Variants in USP28 observed in about 807,000 individuals in gnomAD.
USP28 encodes the protein ubiquitin carboxyl-terminal hydrolase 28.
USP28 carries 113 observed loss-of-function variants against 145.0 expected under a neutral mutation model. That is an observed-to-expected ratio of 0.78 (90% CI 0.67 to 0.91). USP28 has a LOEUF of 0.91. Ranked by LOEUF, USP28 falls within the 40% of genes least tolerant of loss-of-function variation. USP28 has a pLI of 0.00. For synonymous variants in USP28, 447 were observed against 450.9 expected, an observed-to-expected ratio of 0.99 and a Z score of 0.11; for missense variants, 1,201 against 1,289.6, an observed-to-expected ratio of 0.93 and a Z score of 1.05.
intron 1 of USP28, among the ~76,000 whole-genome samples, chr11:113,860,284 C>T (rs1282892675): frequency 6.6e-6 from 1 of 152,060 alleles, no homozygotes; most frequent in East Asian, 1.9e-4. Context: ...TATCAATTGT[C>T]TAGTCTTACA....
intron 5 of USP28, among the ~76,000 whole-genome samples, chr11:113,839,122 T>C (rs947823501): frequency 1.9e-4 from 29 of 152,234 alleles, no homozygotes; most frequent in Admixed American, 1.8e-3. Flanking sequence ...GAAGTACAGA[T>C]TCATATAATT....
At chr11:113,847,181 T>C (rs1323798636) in intron 3 of USP28, among the ~76,000 whole-genome samples, 1 of 151,884 alleles carries the variant, frequency 6.6e-6, no homozygotes, top group Non-Finnish European at 1.5e-5. Context: ...AACCTGACAA[T>C]ACCTAAAAAC....
At chr11:113,799,604 C>G (rs936736287) in intron 24 of USP28, among the ~76,000 whole-genome samples, 189 bp from the exon 26 acceptor site, 9 of 152,170 alleles carry the variant, frequency 5.9e-5, no homozygotes, top group African/African-American at 2.2e-4. Flanking sequence ...TAGCTCACTG[C>G]TATATAACAA....
At chr11:113,808,747 A>G (rs967805718) in intron 17 of USP28, among the ~76,000 whole-genome samples, 1 of 152,236 alleles carries the variant, frequency 6.6e-6, no homozygotes, top group East Asian at 1.9e-4. Flanking sequence ...TAGGAAGATC[A>G]CCTTTGGAGA....
chr11:113,827,471 T>C (rs1943510834), intron 10 of USP28, 111 bp from the exon 11 acceptor site: 5 of 1,163,446 alleles, frequency 4.3e-6, no homozygotes, highest in Non-Finnish European at 5.8e-6. Context: ...ATAGAACTTA[T>C]ACTCAAGGCA....
chr11:113,814,665 A>T (rs1464081942), intron 14 of USP28, among the ~76,000 whole-genome samples: 1 of 151,034 alleles, frequency 6.6e-6, no homozygotes, highest in East Asian at 1.9e-4. Flanking sequence ...TTTGAGGGGG[A>T]GATCTTTCCA....
intron 7 of USP28, among the ~76,000 whole-genome samples, chr11:113,832,623 G>A (rs1441802671): frequency 6.6e-6 from 1 of 151,992 alleles, no homozygotes; most frequent in Non-Finnish European, 1.5e-5. Context: ...AAGGCCCAAG[G>A]AACTCTAGAA....
rs755492841 is a variant in USP28 at position 113,840,685 on chromosome 11, G to C, written c.447C>G (p.Pro149=). ...CAACTCTCCTCCAGTCATTGGGATT[G>C]GGGTTTTCTCCCCAGACTTCACAGC... The change falls in exon 5 of 25, where the codon CCC becomes CCG. Residue 149 remains proline, a synonymous_variant. Coordinates refer to ENST00000003302, the Ensembl canonical transcript of USP28. 10 of 1,614,188 alleles carry C rather than the reference G, an allele frequency of 6.2e-6. 1 individual carries two copies. The highest frequency in any genetic ancestry group is 3.3e-4 in the Middle Eastern group (2 of 6,062).
intron 12 of USP28, among the ~76,000 whole-genome samples, chr11:113,819,274 A>T (rs529874506): frequency 6.6e-6 from 1 of 151,652 alleles, no homozygotes; most frequent in Non-Finnish European, 1.5e-5. Context: ...TGCCACGCCC[A>T]GCTAATTTTT....
chr11:113,874,619 G>C, intron 1 of USP28: 12 of 1,288,498 alleles, frequency 9.3e-6, no homozygotes, highest in South Asian at 2.5e-5. Flanking sequence ...TCTTGAAAAA[G>C]TGCAGTACTT....
chr11:113,855,183 A>C (rs1249077230), intron 1 of USP28, among the ~76,000 whole-genome samples: 1 of 152,230 alleles, frequency 6.6e-6, no homozygotes, highest in Non-Finnish European at 1.5e-5. Context: ...AAAGTATGAA[A>C]TGTTTTCTCT....
In USP28 at chr11:113,854,344, G is replaced by A. The variant is rs1348117709; in HGVS notation, c.58-9C>T. ...AACAGCATTTGGCAGCTCTATATTTGCAAAACAAAAAAACCACAAACATGT... is the reference window on the plus strand; with the variant it reads ...AACAGCATTTGGCAGCTCTATATTTACAAAACAAAAAAACCACAAACATGT... On this transcript the variant is annotated splice_polypyrimidine_tract_variant and intron_variant, in intron 1 of 24. Transcript: ENST00000003302. 6.2e-7 allele frequency: 1 copy of A among 1,610,314 alleles called. No individual in the cohort carries two copies. Among genetic ancestry groups the A allele is most frequent in the South Asian group, 1.1e-5 (1 of 90,692 alleles).
chr11:113,799,312 G>A, exon 25 of USP28: 2 of 1,614,200 alleles, frequency 1.2e-6, no homozygotes, highest in Non-Finnish European at 1.7e-6. Flanking sequence ...ATAGGTCATA[G>A]GGAGAATTGG....
At chr11:113,845,440 A>AT (rs1945719451) in intron 3 of USP28, among the ~76,000 whole-genome samples, 1 of 151,164 alleles carries the variant, frequency 6.6e-6, no homozygotes, top group Non-Finnish European at 1.5e-5. Context: ...TGTCTCAAAA[A>AT]AAAAAATTAA....
At chr11:113,819,101 T>C (rs1942202868) in intron 12 of USP28, among the ~76,000 whole-genome samples, 1 of 151,610 alleles carries the variant, frequency 6.6e-6, no homozygotes. Flanking sequence ...GAAGAAATAG[T>C]GAGCATTTTT....
At chr11:113,804,913 G>A in exon 20 of USP28, 1 of 1,614,188 alleles carries the variant, frequency 6.2e-7, no homozygotes, top group Non-Finnish European at 8.5e-7. Flanking sequence ...TTCCAGAAGG[G>A]TTCGTTCTAC....
At position 113,800,898 on chromosome 11, in the gene USP28, A is replaced by G. The variant is rs557635549; in HGVS notation, c.3058+585T>C. Among the ~76,000 whole-genome samples the G allele has an allele frequency of 5.5e-5, 8 of 144,504 alleles. No individual in the cohort carries two copies. The Admixed American group carries it at 5.8e-4, about 10-fold the overall frequency. The allele number at this position is 144,504 out of a possible 152,430, so 94.8% of individuals were successfully genotyped here. A position where few individuals can be genotyped will look rare whatever the true frequency, so the allele number is the denominator to read the frequency against. On this transcript the variant is annotated intron_variant, in intron 24 of 24. Transcript: ENST00000003302. The stretch of plus-strand genomic sequence containing the variant: ...CATTCCGTGGCCCAGGCTGGATTGC[A>G]CTGGTGCTATCTCGGCTCATTGCAA...
intron 13 of USP28, 52 bp downstream of exon 13, chr11:113,817,595 TGCATAGTTTAA>T: frequency 6.5e-7 from 1 of 1,546,454 alleles, no homozygotes; most frequent in South Asian, 1.2e-5. Flanking sequence ...ACAAAGATGG[TGCATAGTTTAA>T]ATTATACCAG....
chr11:113,810,162 C>A (rs1940744761), intron 16 of USP28, among the ~76,000 whole-genome samples: 1 of 151,850 alleles, frequency 6.6e-6, no homozygotes, highest in East Asian at 1.9e-4. Context: ...CAGTTTTATC[C>A]ATTTAACCAC....
Sources: gnomAD v4.1 joint callset for allele counts (sites outside exome capture counted in the v4.1 genomes callset) on GRCh38, gnomAD v4.1.1 for gene constraint, MANE v1.5 for transcripts, NCBI Gene and HGNC (gene_info 2026-07-23, HGNC 2026-07-21) for gene names.